LHPP: variants seen among roughly 807,000 people sequenced by gnomAD.
LHPP encodes the protein phospholysine phosphohistidine inorganic pyrophosphate phosphatase.
In LHPP, 24 loss-of-function variants were observed where a neutral mutation model predicts 30.3. The observed-to-expected ratio is 0.79, with a 90% CI of 0.57 to 1.11. The LOEUF is 1.11. Ranked by LOEUF, LHPP falls within the 50% of genes most tolerant of loss-of-function variation. The pLI is 0.00. For missense variants in LHPP, 356 were observed against 367.2 expected, an observed-to-expected ratio of 0.97 and a Z score of 0.25; for synonymous variants, 150 against 157.1, an observed-to-expected ratio of 0.95 and a Z score of 0.34.
At chr10:124,475,409 C>T (rs1051654964) in intron 1 of LHPP, among the ~76,000 whole-genome samples, 6 of 151,100 alleles carry the variant, frequency 4.0e-5, no homozygotes, top group Non-Finnish European at 8.9e-5. Context: ...GGCATAGTGG[C>T]GGGTGCCTGT....
chr10:124,477,648 G>A (rs1952993246), intron 1 of LHPP, among the ~76,000 whole-genome samples: 1 of 152,182 alleles, frequency 6.6e-6, no homozygotes, highest in African/African-American at 2.4e-5. Context: ...CTGGGTACTG[G>A]GTACTGTGCC....
intron 6 of LHPP, among the ~76,000 whole-genome samples, chr10:124,525,992 C>T (rs974731723): frequency 5.3e-5 from 8 of 151,446 alleles, no homozygotes; most frequent in Middle Eastern, 3.4e-3. Flanking sequence ...GCCACAAGGC[C>T]TGGGGGTTGG....
At chr10:124,465,947 CT>C (rs778520387) in intron 1 of LHPP, among the ~76,000 whole-genome samples, 10 of 152,180 alleles carry the variant, frequency 6.6e-5, no homozygotes, top group Non-Finnish European at 1.3e-4. Context: ...TTTGAGAACA[CT>C]TTCTCTGTGA....
At chr10:124,582,369 C>T (rs114101141) in intron 6 of LHPP, among the ~76,000 whole-genome samples, 2,242 of 152,266 alleles carry the variant, frequency 0.015, 59 homozygotes, top group African/African-American at 0.05. Flanking sequence ...TAGGTGTGAG[C>T]CACCACATCT....
At chr10:124,547,700 C>T (rs1324494458) in intron 6 of LHPP, among the ~76,000 whole-genome samples, 1 of 152,168 alleles carries the variant, frequency 6.6e-6, no homozygotes, top group East Asian at 1.9e-4. Context: ...GAGAAGCAGT[C>T]TGAGGGAGGG....
rs540100015 is a variant in LHPP, at chr10:124,593,420, T to C, written c.717-19844T>C. ...TTTCCACACCTGAGATGGGAGAGGT[T>C]GCATCCTAAAGGCCCTCCATCTCTC... is the stretch of plus-strand genomic sequence containing the variant. On this transcript the variant is annotated intron_variant, in intron 6 of 6. Coordinates refer to ENST00000368842, the MANE Select transcript of LHPP (RefSeq NM_022126.4). This position sits in a 1 kb window ranked among gnomAD's most constrained non-coding sequence, Gnocchi z 4.9. Among the ~76,000 whole-genome samples the C allele has an allele frequency of 3.9e-5, 6 of 152,172 alleles. No homozygotes were observed. Among genetic ancestry groups the C allele is most frequent in the Non-Finnish European group, 7.4e-5 (5 of 68,022 alleles).
At chr10:124,489,485 C>T (rs1259492042) in intron 3 of LHPP, among the ~76,000 whole-genome samples, 2 of 152,170 alleles carry the variant, frequency 1.3e-5, no homozygotes, top group African/African-American at 4.8e-5. Context: ...GACTGAGTCT[C>T]GCTCTGTCAC....
At chr10:124,469,874 G>A (rs1014061063) in intron 1 of LHPP, among the ~76,000 whole-genome samples, 12 of 152,090 alleles carry the variant, frequency 7.9e-5, no homozygotes, top group African/African-American at 1.2e-4. Flanking sequence ...ACCTGGCCTC[G>A]CAGATCCCAT....
intron 4 of LHPP, among the ~76,000 whole-genome samples, 194 bp downstream of exon 4, chr10:124,497,218 T>A (rs1417020153): frequency 7.1e-6 from 1 of 140,176 alleles, no homozygotes; most frequent in Non-Finnish European, 1.5e-5. Flanking sequence ...TCCTCCTCCC[T>A]CCCCATCTCT....
intron 6 of LHPP, among the ~76,000 whole-genome samples, chr10:124,530,888 A>C (rs1214650760): frequency 6.8e-6 from 1 of 146,256 alleles, no homozygotes; most frequent in Non-Finnish European, 1.5e-5. Flanking sequence ...CAGAGCGGCC[A>C]AGGTAGCCTC....
At chr10:124,552,575 T>A (rs1050970271) in intron 6 of LHPP, among the ~76,000 whole-genome samples, 1 of 152,196 alleles carries the variant, frequency 6.6e-6, no homozygotes. Flanking sequence ...GAAGACGAGC[T>A]GAGCAGGCAC....
At chr10:124,506,764 A>C (rs1222872294) in intron 5 of LHPP, among the ~76,000 whole-genome samples, 1 of 36,138 alleles carries the variant, frequency 2.8e-5, no homozygotes, top group African/African-American at 1.1e-4. Context: ...GGAAGATTTC[A>C]AGTGGGGTGG....
At chr10:124,608,699 C>T (rs1949127464) in intron 6 of LHPP, among the ~76,000 whole-genome samples, 1 of 152,244 alleles carries the variant, frequency 6.6e-6, no homozygotes, top group Admixed American at 6.5e-5. Flanking sequence ...GGGACCCCCA[C>T]CCCACCCACC....
chr10:124,562,611 A>G (rs1033543136), intron 6 of LHPP, among the ~76,000 whole-genome samples: 22 of 152,294 alleles, frequency 1.4e-4, no homozygotes, highest in Admixed American at 7.2e-4. Flanking sequence ...TAAAGCCACA[A>G]TGAGACATCA....
chr10:124,612,671 G>A (rs1245008665), intron 6 of LHPP, among the ~76,000 whole-genome samples: 1 of 152,214 alleles, frequency 6.6e-6, no homozygotes, highest in Non-Finnish European at 1.5e-5. Context: ...AGAGGTTGCT[G>A]CCCCCAGAAT....
chr10:124,588,913 G>T (rs1346187177), intron 6 of LHPP, among the ~76,000 whole-genome samples: 1 of 152,230 alleles, frequency 6.6e-6, no homozygotes, highest in Non-Finnish European at 1.5e-5. Context: ...GAAGGGCAAA[G>T]GTTAGGGAAA....
At chr10:124,553,402 C>T (rs752370427) in intron 6 of LHPP, among the ~76,000 whole-genome samples, 22 of 151,138 alleles carry the variant, frequency 1.5e-4, no homozygotes, top group Non-Finnish European at 2.4e-4. Context: ...CCTGAAACCC[C>T]AGGAAAATCC....
In LHPP at chr10:124,523,285, G is replaced by C. The variant is rs961114162; in HGVS notation, c.716+6014G>C. Among the ~76,000 whole-genome samples the C allele has an allele frequency of 6.6e-6, 1 of 152,238 alleles. No homozygotes were observed. Among genetic ancestry groups the C allele is most frequent in the African/African-American group, 2.4e-5 (1 of 41,470 alleles). ...GCAAGGTCCCTTCTAGCTGTGGCCT[G>C]GGTGCTGAAGGGGTTTCCCCCCAGT... On this transcript the variant is annotated intron_variant, in intron 6 of 6. Coordinates refer to ENST00000368842, the MANE Select transcript of LHPP (RefSeq NM_022126.4). The surrounding 1 kb of genome is among the most constrained non-coding windows in gnomAD (Gnocchi z 4.2).
At chr10:124,467,115 C>A (rs1260881569) in intron 1 of LHPP, among the ~76,000 whole-genome samples, 2 of 122,018 alleles carry the variant, frequency 1.6e-5, no homozygotes. Flanking sequence ...CAGAGTGAGA[C>A]TCTAAAAAAA....
Sources: allele counts gnomAD v4.1 joint callset (sites outside exome capture counted in the v4.1 genomes callset), GRCh38; gene constraint gnomAD v4.1.1; non-coding constraint Gnocchi (gnomAD v3.1); transcripts MANE v1.5; gene names NCBI Gene and HGNC (gene_info 2026-07-23, HGNC 2026-07-21).